CDH22: variants seen among roughly 807,000 people sequenced by gnomAD.
CDH22 encodes the protein cadherin 22.
CDH22 carries 30 observed loss-of-function variants against 58.4 expected under a neutral mutation model. That is an observed-to-expected ratio of 0.51 (90% CI 0.38 to 0.70). The LOEUF (loss-of-function observed/expected upper bound fraction) is 0.70, where lower values mean the gene tolerates loss of function less well. Among genes scored for constraint, CDH22 ranks in the 30% least tolerant of loss-of-function variants. The pLI is 0.00. For missense variants in CDH22, 1,014 were observed against 1,233.9 expected (o/e 0.82, Z 2.67); for synonymous variants, 513 against 558.2 (o/e 0.92, Z 1.14).
At chr20:46,191,868 C>T (rs1442351219) in intron 8 of CDH22, among the ~76,000 whole-genome samples, 2 of 152,094 alleles carry the variant, frequency 1.3e-5, no homozygotes, top group Non-Finnish European at 2.9e-5. Context: ...AAGCCCAAGT[C>T]CCCCATGCCC....
intron 6 of CDH22, among the ~76,000 whole-genome samples, chr20:46,212,202 G>A (rs1210450353): frequency 6.6e-6 from 1 of 152,234 alleles, no homozygotes; most frequent in Admixed American, 6.5e-5. Flanking sequence ...GATTTAAGGA[G>A]ACAGATGCCG....
chr20:46,290,046 T>C (rs2086593691), intron 1 of CDH22, among the ~76,000 whole-genome samples: 1 of 152,198 alleles, frequency 6.6e-6, no homozygotes, highest in African/African-American at 2.4e-5. Flanking sequence ...TATTCAGAAT[T>C]CTAGTTAGAG....
At chr20:46,176,701 C>T (rs1018806018) in intron 11 of CDH22, among the ~76,000 whole-genome samples, 18 of 152,168 alleles carry the variant, frequency 1.2e-4, no homozygotes, top group African/African-American at 2.2e-4. Flanking sequence ...GGGAAGAGCA[C>T]GAGAGCTGGG....
chr20:46,272,271 G>T (rs1423612430), intron 1 of CDH22, among the ~76,000 whole-genome samples: 1 of 152,180 alleles, frequency 6.6e-6, no homozygotes. Flanking sequence ...GCAAATTTGG[G>T]GAGGAAGAGT....
At chr20:46,287,453 A>G (rs1282192039) in intron 1 of CDH22, among the ~76,000 whole-genome samples, 1 of 152,076 alleles carries the variant, frequency 6.6e-6, no homozygotes, top group Non-Finnish European at 1.5e-5. Flanking sequence ...GGTCCCTGAG[A>G]AAGTGATTTG....
At chr20:46,190,212 T>C (rs367907743) in intron 8 of CDH22, among the ~76,000 whole-genome samples, 5 of 152,250 alleles carry the variant, frequency 3.3e-5, no homozygotes. Flanking sequence ...CTCTCTCTTA[T>C]TATGACCTCG....
intron 1 of CDH22, among the ~76,000 whole-genome samples, chr20:46,283,723 G>A (rs113396769): frequency 0.031 from 3,100 of 99,458 alleles, 43 homozygotes; most frequent in Middle Eastern, 0.047. Flanking sequence ...CACCCCCACC[G>A]CCATCACCAA....
chr20:46,178,173 T>TTGAA lies in CDH22; in HGVS notation c.1687_1688insTTCA (p.Gln563LeufsTer100). 1 of 1,613,932 alleles carries TTGAA rather than the reference T, an allele frequency of 6.2e-7. No individual in the cohort carries two copies. Among genetic ancestry groups the TTGAA allele is most frequent in the Non-Finnish European group, 8.5e-7 (1 of 1,179,952 alleles). ...CTCCTGCCGGTTGAAGCCCACGTGC[T>TTGAA]GCGTGTGCACTGCAGCGGTGTTGTC... On this transcript the variant is annotated frameshift_variant, in exon 11 of 12. Coordinates refer to ENST00000537909, the MANE Select transcript of CDH22 (RefSeq NM_021248.3). LOFTEE classifies it high-confidence loss of function.
At chr20:46,200,185 AG>A (rs2085947850) in intron 7 of CDH22, among the ~76,000 whole-genome samples, 1 of 150,828 alleles carries the variant, frequency 6.6e-6, no homozygotes, top group East Asian at 2.0e-4. Context: ...CGTGTTAGCC[AG>A]GATGGTCTTG....
chr20:46,187,590 C>CATCACCATCACCAAT (rs1019363230), intron 8 of CDH22, among the ~76,000 whole-genome samples: 1 of 151,996 alleles, frequency 6.6e-6, no homozygotes, highest in Non-Finnish European at 1.5e-5. Flanking sequence ...CCACCAACCC[C>CATCACCATCACCAAT]ATCACCATCA....
At chr20:46,201,327 A>C (rs1253255607) in intron 7 of CDH22, among the ~76,000 whole-genome samples, 1 of 152,176 alleles carries the variant, frequency 6.6e-6, no homozygotes, top group African/African-American at 2.4e-5. Flanking sequence ...GGACCCCAGA[A>C]GCATTGCCTG....
chr20:46,209,262 T>C (rs2086021968), intron 7 of CDH22, among the ~76,000 whole-genome samples: 1 of 152,122 alleles, frequency 6.6e-6, no homozygotes, highest in Admixed American at 6.5e-5. Flanking sequence ...GGCGAGAACG[T>C]TCTAGGCCGA....
At chr20:46,240,805 C>A (rs1274823429) in intron 3 of CDH22, among the ~76,000 whole-genome samples, 158 bp downstream of exon 3, 1 of 152,118 alleles carries the variant, frequency 6.6e-6, no homozygotes. Context: ...ATGCTTGACC[C>A]CAGGGGGCAC....
intron 1 of CDH22, among the ~76,000 whole-genome samples, chr20:46,288,312 T>C (rs2086585082): frequency 6.6e-6 from 1 of 152,162 alleles, no homozygotes; most frequent in African/African-American, 2.4e-5. Flanking sequence ...CCCAGCACCC[T>C]GTACCTCATA....
intron 1 of CDH22, among the ~76,000 whole-genome samples, chr20:46,291,846 GCTGGATAACC>G (rs1283835649): frequency 6.6e-6 from 1 of 152,230 alleles, no homozygotes; most frequent in Admixed American, 6.5e-5. Context: ...TGACATTTTG[GCTGGATAACC>G]CTTTGTTGGT....
chr20:46,259,365 G>C (rs1033953409), intron 1 of CDH22, among the ~76,000 whole-genome samples: 1 of 152,188 alleles, frequency 6.6e-6, no homozygotes, highest in African/African-American at 2.4e-5. Flanking sequence ...AGCCTTAACA[G>C]GTTTGTGGCC....
chr20:46,254,547 T>C (rs1258539396), intron 1 of CDH22, among the ~76,000 whole-genome samples: 14 of 117,382 alleles, frequency 1.2e-4, no homozygotes, highest in African/African-American at 7.1e-5. Flanking sequence ...AAAGTGAAAT[T>C]CCATCTCAAA....
chr20:46,240,854 G>T, intron 3 of CDH22, 109 bp downstream of exon 3: 1 of 1,013,950 alleles, frequency 9.9e-7, no homozygotes, highest in East Asian at 2.6e-5. Flanking sequence ...AGGTCAGCAG[G>T]CTCTGTCTTT....
chr20:46,224,100 G>A (rs546109931), intron 4 of CDH22, among the ~76,000 whole-genome samples: 9 of 152,132 alleles, frequency 5.9e-5, no homozygotes. Context: ...TGATCCACCC[G>A]CTTCGGCCTC....
Sources: allele counts gnomAD v4.1 joint callset (sites outside exome capture counted in the v4.1 genomes callset), GRCh38; gene constraint gnomAD v4.1.1; transcripts MANE v1.5; gene names NCBI Gene and HGNC (gene_info 2026-07-23, HGNC 2026-07-21).